NUBPL: variants seen among roughly 807,000 people sequenced by gnomAD.
NUBPL encodes iron-sulfur cluster transfer protein NUBPL.
Under a neutral mutation model 45.7 loss-of-function variants are expected in NUBPL, and 31 were observed. That is an observed-to-expected ratio of 0.68 (90% confidence interval 0.51 to 0.92). NUBPL has a LOEUF of 0.92. NUBPL is among the 40% of genes least tolerant of loss of function. NUBPL has a pLI of 0.00. For synonymous variants in NUBPL, 144 were observed against 140.9 expected, an observed-to-expected ratio of 1.02 and a Z score of -0.15; for missense variants, 401 against 398.7, an observed-to-expected ratio of 1.01 and a Z score of -0.05.
At chr14:31,622,711 A>C (rs1222143983) in intron 4 of NUBPL, among the ~76,000 whole-genome samples, 1 of 152,238 alleles carries the variant, frequency 6.6e-6, no homozygotes, top group African/African-American at 2.4e-5. Flanking sequence ...AGTGCTCAGA[A>C]GACAAGAGTT....
rs984992752 is a variant in NUBPL, at chr14:31,851,088, A to T, written c.897+887A>T. On this transcript the variant is annotated intron_variant, in intron 10 of 10. Coordinates refer to ENST00000281081, the MANE Select transcript of NUBPL (RefSeq NM_025152.3). ...AAGCATAAAATATTTTAATCTTTTT[A>T]AAAATAGAAATAAAATTAATCATAC... Among the ~76,000 whole-genome samples the T allele has an allele frequency of 5.3e-5, 8 of 152,290 alleles. No homozygotes were observed. In the East Asian group the frequency reaches 9.6e-4, roughly 18 times the overall value.
At chr14:31,697,543 T>C (rs2139882135) in intron 6 of NUBPL, among the ~76,000 whole-genome samples, 1 of 152,364 alleles carries the variant, frequency 6.6e-6, no homozygotes, top group East Asian at 1.9e-4. Flanking sequence ...AATCAATATT[T>C]ATTCTGCAAT....
intron 4 of NUBPL, among the ~76,000 whole-genome samples, chr14:31,666,116 G>A (rs1488368602): frequency 6.7e-6 from 1 of 149,216 alleles, no homozygotes; most frequent in Non-Finnish European, 1.5e-5. Flanking sequence ...GCCTATGTGT[G>A]TCTTTGCATG....
At chr14:31,798,767 G>C (rs1373553684) in intron 7 of NUBPL, among the ~76,000 whole-genome samples, 1 of 136,642 alleles carries the variant, frequency 7.3e-6, no homozygotes, top group African/African-American at 2.7e-5. Context: ...ACTCCAGCCT[G>C]GGTGACAGAG....
At chr14:31,828,690 T>C (rs139796881) in intron 8 of NUBPL, among the ~76,000 whole-genome samples, 2,170 of 152,314 alleles carry the variant, frequency 0.014, 27 homozygotes, top group Admixed American at 0.03. Context: ...AAGTCCTACA[T>C]GGACTTTGCT....
chr14:31,631,791 A>G (rs1030066344), intron 4 of NUBPL, among the ~76,000 whole-genome samples: 34 of 152,208 alleles, frequency 2.2e-4, no homozygotes, highest in African/African-American at 6.3e-4. Flanking sequence ...CAGGGCTTCA[A>G]TGGATTGGAT....
At chr14:31,590,554 GCT>G (rs1267599992) in intron 3 of NUBPL, among the ~76,000 whole-genome samples, 13 of 152,170 alleles carry the variant, frequency 8.5e-5, no homozygotes, top group African/African-American at 3.1e-4. Flanking sequence ...TAGAAGAGCT[GCT>G]CTCAGAATTA....
intron 9 of NUBPL, among the ~76,000 whole-genome samples, chr14:31,846,825 G>A (rs1274814663): frequency 1.3e-5 from 2 of 151,998 alleles, no homozygotes; most frequent in African/African-American, 2.4e-5. Flanking sequence ...GCGTGGTGGC[G>A]GGCGCCTGCA....
chr14:31,687,513 A>T (rs1444095068), intron 6 of NUBPL, among the ~76,000 whole-genome samples: 1 of 152,236 alleles, frequency 6.6e-6, no homozygotes, highest in East Asian at 1.9e-4. Context: ...ACTACGTTAT[A>T]ACTGCATAAA....
At chr14:31,641,487 T>C (rs903917162) in intron 4 of NUBPL, among the ~76,000 whole-genome samples, 2 of 152,212 alleles carry the variant, frequency 1.3e-5, no homozygotes, top group African/African-American at 4.8e-5. Flanking sequence ...GCTTCACTCA[T>C]GTTATTGAAC....
chr14:31,721,647 T>C (rs2037810461), intron 6 of NUBPL, among the ~76,000 whole-genome samples: 1 of 151,984 alleles, frequency 6.6e-6, no homozygotes, highest in South Asian at 2.1e-4. Context: ...TTAGGTTCTG[T>C]GGTACATGTG....
In NUBPL at chr14:31,860,316, A is replaced by G. The variant is rs1454165607; in HGVS notation, c.*1136A>G. On this transcript the variant is annotated 3_prime_UTR_variant, in exon 11 of 11. Transcript: ENST00000281081. ...CGACTCCATCTCAAAAAAAAAAAAA[A>G]AAAAAAAAAAAGTCGGGGGAGATGC... 3 of 151,632 alleles carry G rather than the reference A, an allele frequency of 2.0e-5. No individual in the cohort carries two copies. The highest frequency in any genetic ancestry group is 7.3e-5 in the African/African-American group (3 of 41,308). The allele number at this position is 151,632 out of a possible 1,614,324, so 9.4% of individuals were successfully genotyped here.
chr14:31,712,187 GA>G (rs1450361668), intron 6 of NUBPL, among the ~76,000 whole-genome samples: 3 of 152,182 alleles, frequency 2.0e-5, no homozygotes, highest in African/African-American at 7.2e-5. Flanking sequence ...GGTCCGTTTT[GA>G]CAGAGCACTG....
chr14:31,686,006 A>C (rs939957223), intron 6 of NUBPL, among the ~76,000 whole-genome samples: 1 of 152,188 alleles, frequency 6.6e-6, no homozygotes, highest in African/African-American at 2.4e-5. Flanking sequence ...AGGCTTAGGC[A>C]TACAATGGTA....
At chr14:31,638,800 C>G (rs188629106) in intron 4 of NUBPL, among the ~76,000 whole-genome samples, 1 of 152,234 alleles carries the variant, frequency 6.6e-6, no homozygotes, top group African/African-American at 2.4e-5. Context: ...ATTCTTTTTT[C>G]TCTAAACTTC....
chr14:31,836,731 C>T (rs2138999351), intron 8 of NUBPL, among the ~76,000 whole-genome samples: 1 of 152,226 alleles, frequency 6.6e-6, no homozygotes, highest in Non-Finnish European at 1.5e-5. Flanking sequence ...CCCCAGCTAA[C>T]CCCATGTTTT....
At chr14:31,741,988 A>T (rs1238111385) in intron 6 of NUBPL, among the ~76,000 whole-genome samples, 1 of 152,124 alleles carries the variant, frequency 6.6e-6, no homozygotes, top group African/African-American at 2.4e-5. Flanking sequence ...TCTTTATAAA[A>T]GTAATAGGAG....
chr14:31,587,330 C>T (rs1485187972), intron 3 of NUBPL, among the ~76,000 whole-genome samples: 1 of 152,110 alleles, frequency 6.6e-6, no homozygotes. Flanking sequence ...TGTCAGAGCT[C>T]AGGTACCTCA....
Position 31,599,381 on chromosome 14 carries a change from T to C in NUBPL, c.382+2T>C. The C allele has an allele frequency of 4.4e-6, 7 of 1,594,838 alleles. No individual in the cohort carries two copies. Among genetic ancestry groups the C allele is most frequent in the Non-Finnish European group, 6.0e-6 (7 of 1,163,224 alleles). ...AAGGAAATCCGGAATTATCACAGAGTAAGTAAAGAAGGGATAAATATTATA... is the reference window on the plus strand; with the variant it reads ...AAGGAAATCCGGAATTATCACAGAGCAAGTAAAGAAGGGATAAATATTATA... On this transcript the variant is annotated splice_donor_variant, in intron 4 of 10. Coordinates refer to ENST00000281081, the MANE Select transcript of NUBPL (RefSeq NM_025152.3). LOFTEE classifies it high-confidence loss of function.
Sources: gnomAD v4.1 joint callset for allele counts (sites outside exome capture counted in the v4.1 genomes callset) on GRCh38, gnomAD v4.1.1 for gene constraint, MANE v1.5 for transcripts, NCBI Gene and HGNC (gene_info 2026-07-23, HGNC 2026-07-21) for gene names.